SLIT3: variants seen among roughly 807,000 people sequenced by gnomAD.
SLIT3 encodes the protein slit homolog 3 protein.
A neutral mutation model predicts 184.0 loss-of-function variants in SLIT3; 68 were observed. The observed-to-expected ratio is 0.37, with a 90% CI of 0.30 to 0.45. SLIT3 has a LOEUF of 0.45. Ranked by LOEUF, SLIT3 falls within the 20% of genes least tolerant of loss-of-function variation. The probability of loss-of-function intolerance (pLI) is 1.00; values close to 1 mark genes in which losing one functional copy is unlikely to be tolerated. For missense variants in SLIT3, 1,707 were observed against 2,026.0 expected, an observed-to-expected ratio of 0.84 and a Z score of 3.02; for synonymous variants, 831 against 828.6, an observed-to-expected ratio of 1.00 and a Z score of -0.05.
At chr5:168,702,537 G>C (rs187280895) in intron 26 of SLIT3, among the ~76,000 whole-genome samples, 211 of 152,238 alleles carry the variant, frequency 1.4e-3, no homozygotes, top group Middle Eastern at 3.4e-3. Context: ...TGTGTTCCTT[G>C]AGGAAATGAC....
chr5:169,175,274 A>T (rs527266590), intron 4 of SLIT3, among the ~76,000 whole-genome samples: 1 of 152,332 alleles, frequency 6.6e-6, no homozygotes, highest in African/African-American at 2.4e-5. Flanking sequence ...TACACAGTGA[A>T]TACTGAGGCT....
At chr5:169,002,086 G>A (rs1755722411) in intron 4 of SLIT3, among the ~76,000 whole-genome samples, 1 of 151,984 alleles carries the variant, frequency 6.6e-6, no homozygotes, top group Non-Finnish European at 1.5e-5. Flanking sequence ...GGCCGAGGCA[G>A]GCAGATCACC....
At chr5:169,165,026 C>T (rs970141953) in intron 4 of SLIT3, among the ~76,000 whole-genome samples, 5 of 152,190 alleles carry the variant, frequency 3.3e-5, no homozygotes, top group African/African-American at 4.8e-5. Flanking sequence ...CATGACCTCC[C>T]GGACTCTAGG....
chr5:169,146,876 T>C (rs530227922), intron 4 of SLIT3, among the ~76,000 whole-genome samples: 2 of 152,362 alleles, frequency 1.3e-5, no homozygotes, highest in East Asian at 1.9e-4. Flanking sequence ...ACTTACTAGC[T>C]GTGTGAACTT....
chr5:168,696,250 C>T lies in SLIT3; in HGVS notation c.3082+42G>A, dbSNP rs201492563. ...AGTTAAGAAAATGGTATTCTAGCGA[C>T]ACCCCTCCACCCCACCATACATACA... On this transcript the variant is annotated intron_variant, in intron 28 of 35. Coordinates refer to ENST00000519560, the MANE Select transcript of SLIT3 (RefSeq NM_003062.4). 38 of 1,611,264 alleles carry T rather than the reference C, an allele frequency of 2.4e-5. No individual in the cohort carries two copies. The East Asian group carries it at 8.3e-4, about 35-fold the overall frequency.
intron 1 of SLIT3, among the ~76,000 whole-genome samples, chr5:169,264,319 G>A (rs1003459520): frequency 1.1e-4 from 17 of 152,128 alleles, no homozygotes; most frequent in Non-Finnish European, 1.9e-4. Flanking sequence ...TCAGCCTCCC[G>A]AGTAGCTGGG....
chr5:168,702,441 C>A (rs1762245166), intron 26 of SLIT3, among the ~76,000 whole-genome samples: 1 of 152,156 alleles, frequency 6.6e-6, no homozygotes, highest in Non-Finnish European at 1.5e-5. Context: ...TGCTGGGAGC[C>A]TCTATGCAGG....
At position 168,671,194 on chromosome 5, in the gene SLIT3, T is replaced by A. The variant is rs542165414; in HGVS notation, c.4127+4A>T. ...CACACAGCCAGGGCTCCTGGGACAC[T>A]GACCTGTGGCCGAGGCAGGGGTCCC... On this transcript the variant is annotated splice_donor_region_variant and intron_variant, in intron 34 of 35. Coordinates refer to ENST00000519560, the MANE Select transcript of SLIT3 (RefSeq NM_003062.4). 7.5e-6 allele frequency: 12 copies of A among 1,604,140 alleles called. No individual in the cohort carries two copies. The highest frequency in any genetic ancestry group is 6.7e-5 in the East Asian group (3 of 44,618).
chr5:168,813,534 A>G (rs72827659), intron 8 of SLIT3, among the ~76,000 whole-genome samples: 19,862 of 152,278 alleles, frequency 0.13, 1,717 homozygotes, highest in South Asian at 0.3. Flanking sequence ...TGTATAACAT[A>G]GGGAAAAAAG....
In SLIT3 at chr5:169,061,722, C is replaced by T. The variant is rs553225938; in HGVS notation, c.413+131757G>A. On this transcript the variant is annotated intron_variant, in intron 4 of 35. Transcript: ENST00000519560. ...TGCATGAGGGCCTGGACTAGGACAA[C>T]GATGAAGCCAGCATCGCTGGGATGC... Among the ~76,000 whole-genome samples, 372 of 152,290 alleles carry T rather than the reference C, an allele frequency of 2.4e-3. 1 individual carries two copies. Among genetic ancestry groups the T allele is most frequent in the Non-Finnish European group, 3.4e-3 (232 of 68,004 alleles).
intron 30 of SLIT3, 98 bp from the exon 31 acceptor site, chr5:168,686,025 G>A: frequency 7.4e-7 from 1 of 1,349,796 alleles, no homozygotes; most frequent in Non-Finnish European, 9.8e-7. Flanking sequence ...GAGAGGTAGA[G>A]TGAGATGGGA....
intron 9 of SLIT3, 42 bp downstream of exon 9, chr5:168,806,404 C>T (rs757418124): frequency 6.2e-7 from 1 of 1,611,330 alleles, no homozygotes; most frequent in Non-Finnish European, 8.5e-7. Flanking sequence ...GAGCTGAATT[C>T]TCCGGCGACA....
chr5:169,191,262 A>G (rs1169123410), intron 4 of SLIT3, among the ~76,000 whole-genome samples: 1 of 152,128 alleles, frequency 6.6e-6, no homozygotes, highest in Non-Finnish European at 1.5e-5. Context: ...TTCAACCATC[A>G]CTGATGGAGT....
chr5:169,029,317 T>A (rs1254463521), intron 4 of SLIT3, among the ~76,000 whole-genome samples: 1 of 152,206 alleles, frequency 6.6e-6, no homozygotes, highest in African/African-American at 2.4e-5. Flanking sequence ...CTTAAAATAC[T>A]CTGATATTTT....
At chr5:169,245,347 C>T (rs556358828) in intron 2 of SLIT3, among the ~76,000 whole-genome samples, 4 of 152,246 alleles carry the variant, frequency 2.6e-5, no homozygotes, top group Non-Finnish European at 5.9e-5. Flanking sequence ...TTCACTCACC[C>T]GCCTCAGTCC....
rs1215815272 is a variant in SLIT3 at position 169,108,300 on chromosome 5, T to C, written c.413+85179A>G. Reference sequence around the variant, plus strand: ...CTGGGTTCAAGTCCTGGCCCTGACATTTGGATGCTGGAGTCACCACATTTG... The same window carrying C: ...CTGGGTTCAAGTCCTGGCCCTGACACTTGGATGCTGGAGTCACCACATTTG... On this transcript the variant is annotated intron_variant, in intron 4 of 35. Coordinates refer to ENST00000519560, the MANE Select transcript of SLIT3 (RefSeq NM_003062.4). Among the ~76,000 whole-genome samples the C allele has an allele frequency of 3.3e-5, 5 of 152,188 alleles. No homozygotes were observed. In the East Asian group the frequency reaches 9.6e-4, roughly 29 times the overall value.
chr5:168,884,549 G>GATATATATATATATATATGTATATAT (rs1760107147), intron 4 of SLIT3, among the ~76,000 whole-genome samples: 1 of 41,138 alleles, frequency 2.4e-5, no homozygotes, highest in African/African-American at 1.1e-4. Flanking sequence ...CCAATTACGA[G>GATATATATATATATATATGTATATAT]ATATATATAT....
intron 14 of SLIT3, 113 bp from the exon 15 acceptor site, chr5:168,762,802 G>A (rs1755206115): frequency 2.9e-6 from 3 of 1,048,632 alleles, no homozygotes; most frequent in Non-Finnish European, 4.3e-6. Flanking sequence ...GGGGCTGTTA[G>A]GGGTCAAGTA....
At chr5:168,916,286 C>T (rs1761431231) in intron 4 of SLIT3, among the ~76,000 whole-genome samples, 1 of 152,182 alleles carries the variant, frequency 6.6e-6, no homozygotes, top group Non-Finnish European at 1.5e-5. Flanking sequence ...GGAAGGGAGA[C>T]ACACACAGAG....
Sources: gnomAD v4.1 joint callset for allele counts (sites outside exome capture counted in the v4.1 genomes callset) on GRCh38, gnomAD v4.1.1 for gene constraint, MANE v1.5 for transcripts, NCBI Gene and HGNC (gene_info 2026-07-23, HGNC 2026-07-21) for gene names.